The following KREMEN1 variants were observed in gnomAD, a reference collection of about 807,000 sequenced individuals.
The protein encoded by KREMEN1 is kringle containing transmembrane protein 1.
Under a neutral mutation model 46.5 loss-of-function variants are expected in KREMEN1, and 30 were observed. The observed-to-expected ratio is 0.65, with a 90% confidence interval of 0.48 to 0.88. The LOEUF is 0.88. Among genes scored for constraint, KREMEN1 ranks in the 40% least tolerant of loss-of-function variants. The pLI is 0.00. For synonymous variants in KREMEN1, 214 were observed against 230.6 expected (o/e 0.93, Z 0.65); for missense variants, 533 against 596.9 (o/e 0.89, Z 1.11).
chr22:29,127,247 T>C (rs2145824917), intron 5 of KREMEN1, among the ~76,000 whole-genome samples: 1 of 152,326 alleles, frequency 6.6e-6, no homozygotes, highest in African/African-American at 2.4e-5. Flanking sequence ...ATAAATAACT[T>C]GCTGGGATTC....
chr22:29,114,857 G>A (rs1401637734), intron 3 of KREMEN1, among the ~76,000 whole-genome samples: 1 of 152,176 alleles, frequency 6.6e-6, no homozygotes, highest in East Asian at 1.9e-4. Flanking sequence ...TGTTAAATTT[G>A]TTTAAGAAAG....
intron 8 of KREMEN1, among the ~76,000 whole-genome samples, 174 bp downstream of exon 8, chr22:29,140,540 C>T (rs76468360): frequency 1.5e-3 from 225 of 152,292 alleles, no homozygotes; most frequent in South Asian, 4.8e-3. Flanking sequence ...GTGAAATGTA[C>T]AACTGGACAA....
chr22:29,125,382 C>T lies in KREMEN1; in HGVS notation c.597C>T (p.Pro199=). 1 of 1,614,218 alleles carries T rather than the reference C, an allele frequency of 6.2e-7. No individual in the cohort carries two copies. Residue 199 remains proline, a synonymous_variant, in exon 5 of 9, where the codon CCC becomes CCT. Transcript: ENST00000400335. ...TCTGCTTCGGGGATCACACCCAACCCTGTGGTGGCGATGGCAGGATCATCC... is the reference window on the plus strand; with the variant it reads ...TCTGCTTCGGGGATCACACCCAACCTTGTGGTGGCGATGGCAGGATCATCC... ...NSVCFGDHTQ[P]CGGDGRIILF... is the part of the protein sequence containing the mutation.
chr22:29,115,301 G>A (rs1168710466), intron 3 of KREMEN1, among the ~76,000 whole-genome samples: 1 of 152,206 alleles, frequency 6.6e-6, no homozygotes, highest in Admixed American at 6.5e-5. Context: ...TGGGAACGGG[G>A]TGAGGGATAA....
chr22:29,077,972 C>T (rs1348771769), intron 1 of KREMEN1, among the ~76,000 whole-genome samples: 1 of 152,060 alleles, frequency 6.6e-6, no homozygotes, highest in Non-Finnish European at 1.5e-5. Context: ...GACTTTTAGA[C>T]CAGGTGCAGT....
At chr22:29,125,491 C>G in intron 5 of KREMEN1, 75 bp downstream of exon 5, 1 of 1,465,022 alleles carries the variant, frequency 6.8e-7, no homozygotes, top group Admixed American at 1.8e-5. Context: ...TGCCCACCCT[C>G]CCTCCCTTCT....
At chr22:29,089,268 ACT>A (rs1331848124) in intron 1 of KREMEN1, among the ~76,000 whole-genome samples, 1 of 151,716 alleles carries the variant, frequency 6.6e-6, no homozygotes, top group Middle Eastern at 3.2e-3. Flanking sequence ...ACCCCAAAAC[ACT>A]CTGACCTTCC....
intron 3 of KREMEN1, among the ~76,000 whole-genome samples, chr22:29,113,195 T>A (rs1459460621): frequency 1.3e-5 from 2 of 152,246 alleles, no homozygotes; most frequent in East Asian, 3.8e-4. Flanking sequence ...TTCTGCCTTA[T>A]GTGTGCCCAC....
chr22:29,148,608 C>A (rs549860263), downstream of KREMEN1, among the ~76,000 whole-genome samples: 6 of 152,042 alleles, frequency 3.9e-5, no homozygotes, highest in African/African-American at 1.2e-4. Flanking sequence ...GCGCCCGCCA[C>A]CACGCCCAGC....
At chr22:29,155,923 C>T (rs1196657631) in intron 9 of KREMEN1, among the ~76,000 whole-genome samples, 1 of 151,172 alleles carries the variant, frequency 6.6e-6, no homozygotes, top group Non-Finnish European at 1.5e-5. Context: ...GGTGCCACTG[C>T]ATTCCAGCCT....
chr22:29,108,008 G>A (rs1481404236), intron 3 of KREMEN1, among the ~76,000 whole-genome samples: 1 of 151,894 alleles, frequency 6.6e-6, no homozygotes, highest in African/African-American at 2.4e-5. Flanking sequence ...TTTCTTGGCT[G>A]GGTGTGGTGG....
chr22:29,113,966 G>A (rs1255152693), intron 3 of KREMEN1, among the ~76,000 whole-genome samples: 5 of 152,216 alleles, frequency 3.3e-5, no homozygotes, highest in Admixed American at 1.3e-4. Flanking sequence ...AGAAGTAGAT[G>A]CCCACAAAGA....
chr22:29,092,589 T>C (rs2037821164), intron 1 of KREMEN1, among the ~76,000 whole-genome samples: 1 of 152,260 alleles, frequency 6.6e-6, no homozygotes, highest in Non-Finnish European at 1.5e-5. Context: ...TTTGAACTTA[T>C]TTGTGCAGAC....
intron 9 of KREMEN1, among the ~76,000 whole-genome samples, chr22:29,162,863 C>T (rs943718958): frequency 2.0e-5 from 3 of 152,176 alleles, no homozygotes; most frequent in Non-Finnish European, 4.4e-5. Flanking sequence ...AACGTAGGTG[C>T]CCATCAATGG....
chr22:29,090,293 G>A (rs16987043), intron 1 of KREMEN1, among the ~76,000 whole-genome samples: 9 of 152,132 alleles, frequency 5.9e-5, no homozygotes, highest in African/African-American at 1.9e-4. Context: ...CATCAGTTTC[G>A]TAGCAGTAGA....
intron 3 of KREMEN1, among the ~76,000 whole-genome samples, chr22:29,113,132 C>G (rs1204591860): frequency 6.6e-6 from 1 of 152,172 alleles, no homozygotes; most frequent in East Asian, 1.9e-4. Context: ...AAAACAAAAA[C>G]AAAAACCCAT....
At chr22:29,115,225 C>A (rs1040704100) in intron 3 of KREMEN1, among the ~76,000 whole-genome samples, 5 of 152,148 alleles carry the variant, frequency 3.3e-5, no homozygotes, top group African/African-American at 1.2e-4. Context: ...TAAGTGGGAG[C>A]TAAGCTATGA....
At chr22:29,103,244 A>C (rs1230223657) in intron 3 of KREMEN1, among the ~76,000 whole-genome samples, 1 of 152,174 alleles carries the variant, frequency 6.6e-6, no homozygotes, top group Non-Finnish European at 1.5e-5. Flanking sequence ...AGATTCCTGG[A>C]AAGTTCATAT....
chr22:29,085,483 C>A (rs1391065043), intron 1 of KREMEN1, among the ~76,000 whole-genome samples: 8 of 152,022 alleles, frequency 5.3e-5, no homozygotes, highest in African/African-American at 1.7e-4. Context: ...AACAATAATT[C>A]CTTAATGCCA....
Sources: allele counts gnomAD v4.1 joint callset (sites outside exome capture counted in the v4.1 genomes callset), GRCh38; gene constraint gnomAD v4.1.1; transcripts MANE v1.5; gene names NCBI Gene and HGNC (gene_info 2026-07-23, HGNC 2026-07-21).